The following SPECC1 variants were observed in gnomAD, a reference collection of about 807,000 sequenced individuals.
The protein encoded by SPECC1 is cytospin-B.
In SPECC1, 62 loss-of-function variants were observed where a neutral mutation model predicts 104.1. The ratio of observed to expected loss-of-function variants is 0.60; its 90% CI spans 0.49 to 0.74. The LOEUF is 0.74. Ranked by LOEUF, SPECC1 falls within the 30% of genes least tolerant of loss-of-function variation. SPECC1 has a pLI of 0.00. For synonymous variants in SPECC1, 513 were observed against 501.6 expected, an observed-to-expected ratio of 1.02 and a Z score of -0.30; for missense variants, 1,306 against 1,310.5, an observed-to-expected ratio of 1.00 and a Z score of 0.05.
intron 2 of SPECC1, among the ~76,000 whole-genome samples, chr17:20,108,293 A>G (rs1387419282): frequency 6.6e-6 from 1 of 151,794 alleles, no homozygotes; most frequent in Non-Finnish European, 1.5e-5. Context: ...CTTTGCCTAA[A>G]TTGCAAACTT....
At chr17:20,201,746 C>T (rs781610220) in intron 3 of SPECC1, among the ~76,000 whole-genome samples, 9 of 152,188 alleles carry the variant, frequency 5.9e-5, no homozygotes, top group South Asian at 2.1e-4. Flanking sequence ...GTCTTTTCCT[C>T]GTTGAGTGTG....
intron 14 of SPECC1, 113 bp from the exon 15 acceptor site, chr17:20,313,863 G>A (rs2041994694): frequency 2.1e-6 from 2 of 933,844 alleles, no homozygotes; most frequent in Non-Finnish European, 3.4e-6. Flanking sequence ...TTCTGTCTGT[G>A]TAAGTGGAGG....
chr17:20,049,760 TAC>T (rs1191953795), intron 1 of SPECC1, among the ~76,000 whole-genome samples: 9 of 152,108 alleles, frequency 5.9e-5, no homozygotes, highest in Non-Finnish European at 1.3e-4. Flanking sequence ...CCGAGGATTC[TAC>T]GGTGTTTTCT....
intron 12 of SPECC1, among the ~76,000 whole-genome samples, chr17:20,269,392 G>T (rs2040323497): frequency 6.6e-6 from 1 of 152,232 alleles, no homozygotes; most frequent in African/African-American, 2.4e-5. Flanking sequence ...GGCAGAAGGG[G>T]CTGGATGCTG....
chr17:20,228,944 T>C (rs543759310), intron 5 of SPECC1, among the ~76,000 whole-genome samples: 1 of 152,322 alleles, frequency 6.6e-6, no homozygotes, highest in East Asian at 1.9e-4. Flanking sequence ...CCTTACCCCA[T>C]GCAGTCGATC....
At chr17:20,229,440 G>C (rs1309429384) in intron 5 of SPECC1, among the ~76,000 whole-genome samples, 1 of 152,194 alleles carries the variant, frequency 6.6e-6, no homozygotes, top group Admixed American at 6.5e-5. Flanking sequence ...TGAGGCAGGA[G>C]GATCGATTGA....
At chr17:20,167,148 A>C (rs866438873) in intron 3 of SPECC1, among the ~76,000 whole-genome samples, 55 of 147,854 alleles carry the variant, frequency 3.7e-4, no homozygotes, top group Middle Eastern at 7.1e-3. Context: ...ATATTATATT[A>C]TATATAATTT....
chr17:20,052,781 A>T (rs1200368284), intron 1 of SPECC1, among the ~76,000 whole-genome samples: 3 of 152,236 alleles, frequency 2.0e-5, no homozygotes, highest in African/African-American at 7.2e-5. Context: ...TGAAACCTGG[A>T]ACAGGCCAGG....
At chr17:20,271,348 A>AC (rs149800108) in intron 12 of SPECC1, among the ~76,000 whole-genome samples, 2,445 of 146,194 alleles carry the variant, frequency 0.017, 43 homozygotes, top group African/African-American at 0.05. Flanking sequence ...TTTCACTCCC[A>AC]CCCCCCCCAT....
intron 12 of SPECC1, among the ~76,000 whole-genome samples, chr17:20,262,124 T>A (rs1007635012): frequency 6.6e-6 from 1 of 152,244 alleles, no homozygotes; most frequent in Admixed American, 6.5e-5. Context: ...TTATCCTCAT[T>A]GTTGCATATA....
At chr17:20,077,005 C>T (rs1054795811) in intron 1 of SPECC1, among the ~76,000 whole-genome samples, 5 of 152,102 alleles carry the variant, frequency 3.3e-5, no homozygotes, top group South Asian at 2.1e-4. Flanking sequence ...TTTATGGGAT[C>T]GTAATGCTGG....
intron 10 of SPECC1, among the ~76,000 whole-genome samples, chr17:20,256,318 T>C (rs1446748661): frequency 6.6e-6 from 1 of 152,158 alleles, no homozygotes; most frequent in Non-Finnish European, 1.5e-5. Context: ...ATATTTACTG[T>C]TATTACAGCA....
At chr17:20,173,597 T>G (rs2034247449) in intron 3 of SPECC1, among the ~76,000 whole-genome samples, 1 of 152,178 alleles carries the variant, frequency 6.6e-6, no homozygotes, top group Non-Finnish European at 1.5e-5. Context: ...GATGGCAACT[T>G]GCCTTATTGG....
chr17:20,088,882 G>A (rs2047287302), intron 1 of SPECC1, among the ~76,000 whole-genome samples: 1 of 152,226 alleles, frequency 6.6e-6, no homozygotes, highest in Non-Finnish European at 1.5e-5. Flanking sequence ...TTGTGCTTGT[G>A]CAAAACAGGC....
intron 3 of SPECC1, among the ~76,000 whole-genome samples, chr17:20,178,836 T>C (rs925013366): frequency 6.6e-6 from 1 of 152,222 alleles, no homozygotes; most frequent in Non-Finnish European, 1.5e-5. Context: ...ATGTTAGACT[T>C]CAGATTGAAA....
intron 14 of SPECC1, 79 bp downstream of exon 14, chr17:20,306,161 C>T (rs2120282): frequency 0.63 from 873,453 of 1,379,008 alleles, 284,714 homozygotes; most frequent in East Asian, 0.99. Flanking sequence ...AACAGTTTCT[C>T]GTAGAACATT....
chr17:20,205,226 G>A lies in SPECC1; in HGVS notation c.1177G>A (p.Ala393Thr). ...CCATAGCACTGCAGAAGAACTACAG[G>A]CTACTCTACAAGAATTATCAGACCA... ...NHHSTAEELQ[A>T]TLQELSDQQQ... Residue 393 changes from alanine to threonine, a missense_variant, in exon 4 of 15, where the codon GCT becomes ACT. Coordinates refer to ENST00000395527, the MANE Select transcript of SPECC1 (RefSeq NM_001243439.2). 6.2e-7 allele frequency: 1 copy of A among 1,614,104 alleles called. No homozygotes were observed. Among genetic ancestry groups the A allele is most frequent in the Non-Finnish European group, 8.5e-7 (1 of 1,180,028 alleles).
intron 1 of SPECC1, chr17:20,056,653 A>G (rs17759041): frequency 0.22 from 35,100 of 156,372 alleles, 4,810 homozygotes; most frequent in Middle Eastern, 0.36. Flanking sequence ...AGCATTTTCA[A>G]TGATTTCTGG....
intron 12 of SPECC1, among the ~76,000 whole-genome samples, chr17:20,282,689 C>T (rs150841930): frequency 3.9e-5 from 6 of 152,140 alleles, no homozygotes; most frequent in Admixed American, 1.3e-4. Flanking sequence ...TTCTGCCCAC[C>T]GTAGCGTTGC....
Sources: allele counts gnomAD v4.1 joint callset (sites outside exome capture counted in the v4.1 genomes callset), GRCh38; gene constraint gnomAD v4.1.1; transcripts MANE v1.5; gene names NCBI Gene and HGNC (gene_info 2026-07-23, HGNC 2026-07-21).